The following DHX29 variants were observed in gnomAD, a reference collection of about 807,000 sequenced individuals.
DHX29 encodes the protein DExH-box helicase 29, also known as ATP-dependent RNA helicase DHX29.
DHX29 carries 79 observed loss-of-function variants against 167.9 expected under a neutral mutation model. The observed-to-expected ratio is 0.47, with a 90% CI of 0.39 to 0.57. The LOEUF (loss-of-function observed/expected upper bound fraction) is 0.57, where lower values mean the gene tolerates loss of function less well. Ranked by LOEUF, DHX29 falls within the 20% of genes least tolerant of loss-of-function variation. The pLI, the probability that DHX29 is intolerant of heterozygous loss-of-function variation, is 0.00. For synonymous variants in DHX29, 530 were observed against 546.0 expected (o/e 0.97, Z 0.41); for missense variants, 1,347 against 1,593.4 (o/e 0.85, Z 2.63).
At chr5:55,304,505 G>A (rs1335741179) in intron 1 of DHX29, among the ~76,000 whole-genome samples, 1 of 151,608 alleles carries the variant, frequency 6.6e-6, no homozygotes, top group Non-Finnish European at 1.5e-5. Flanking sequence ...GTAGAGACGG[G>A]GTTTCACCGT....
intron 6 of DHX29, among the ~76,000 whole-genome samples, chr5:55,292,590 T>C (rs910729266): frequency 6.6e-6 from 1 of 152,206 alleles, no homozygotes; most frequent in African/African-American, 2.4e-5. Context: ...TAGTGGCTCT[T>C]TACTGTCAAG....
chr5:55,287,325 C>T (rs552390447), intron 8 of DHX29, among the ~76,000 whole-genome samples: 1 of 152,126 alleles, frequency 6.6e-6, no homozygotes, highest in East Asian at 1.9e-4. Context: ...CCTGTAATCC[C>T]GGCTACTTGG....
rs920638032 is a variant in DHX29, at chr5:55,267,535, A to C, written c.3431+151T>G. On this transcript the variant is annotated intron_variant, in intron 22 of 26. Transcript: ENST00000251636. ...TTAGGAAGGATTATAAAACACATGA[A>C]TCTCTAACATAATTATACCTTGACA... is the stretch of plus-strand genomic sequence containing the variant. The C allele has an allele frequency of 1.7e-5, 11 of 658,154 alleles. No homozygotes were observed. In the African/African-American group the frequency reaches 2.0e-4, roughly 12 times the overall value. The allele number at this position is 658,154 out of a possible 1,614,324, so 40.8% of individuals were successfully genotyped here. A position where few individuals can be genotyped will look rare whatever the true frequency, so the allele number is the denominator to read the frequency against.
intron 12 of DHX29, among the ~76,000 whole-genome samples, chr5:55,277,561 A>G (rs1053902567): frequency 1.3e-5 from 2 of 152,134 alleles, no homozygotes; most frequent in Non-Finnish European, 2.9e-5. Flanking sequence ...TGCAAATCAG[A>G]TCAGATGTAG....
chr5:55,256,494 A>G lies in DHX29; in HGVS notation c.4104T>C (p.Asn1368=), dbSNP rs1746062637. 1 of 1,594,064 alleles carries G rather than the reference A, an allele frequency of 6.3e-7. No homozygotes were observed. The highest frequency in any genetic ancestry group is 1.4e-5 in the African/African-American group (1 of 73,686). ...TTGACCATGAATTTCAGTTTCAGTTATTCTCTGTTTTTATCAATTCCGTAA... is the reference window on the plus strand; with the variant it reads ...TTGACCATGAATTTCAGTTTCAGTTGTTCTCTGTTTTTATCAATTCCGTAA... The part of the protein sequence containing the change: ...QIITELIKTE[N]N Residue 1368 remains asparagine, a synonymous_variant, in exon 27 of 27, where the codon AAT becomes AAC. Transcript: ENST00000251636.
rs752700888 is a variant in DHX29 at position 55,256,440 on chromosome 5, C to T, written c.*48G>A. On this transcript the variant is annotated 3_prime_UTR_variant, in exon 27 of 27. Transcript: ENST00000251636. Reference sequence around the variant, plus strand: ...GACCCATTTTCAGATAATTTCATGACTGTATCTTCATCTTAATTTTTAAAG... The same window carrying T: ...GACCCATTTTCAGATAATTTCATGATTGTATCTTCATCTTAATTTTTAAAG... 1 of 1,501,538 alleles carries T rather than the reference C, an allele frequency of 6.7e-7. No homozygotes were observed. The highest frequency in any genetic ancestry group is 9.0e-7 in the Non-Finnish European group (1 of 1,108,922). 93.0% of individuals were successfully genotyped at this position (1,501,538 alleles called of 1,614,324 possible). A position where few individuals can be genotyped will look rare whatever the true frequency, so the allele number is the denominator to read the frequency against.
intron 22 of DHX29, 66 bp downstream of exon 22, chr5:55,267,620 A>G: frequency 7.2e-7 from 1 of 1,389,534 alleles, no homozygotes; most frequent in South Asian, 1.5e-5. Flanking sequence ...AGTCAAAGGT[A>G]ATATATTTTA....
chr5:55,275,889 T>C (rs1157899310), intron 14 of DHX29, among the ~76,000 whole-genome samples: 1 of 150,852 alleles, frequency 6.6e-6, no homozygotes, highest in Non-Finnish European at 1.5e-5. Flanking sequence ...GGATCTAGAT[T>C]TGGGACTTGC....
At chr5:55,304,175 G>C (rs1366570260) in intron 1 of DHX29, among the ~76,000 whole-genome samples, 1 of 152,104 alleles carries the variant, frequency 6.6e-6, no homozygotes, top group African/African-American at 2.4e-5. Flanking sequence ...AAGAAAGATG[G>C]GGAAAGGTCT....
At chr5:55,270,342 A>G in intron 20 of DHX29, 70 bp downstream of exon 20, 1 of 1,468,500 alleles carries the variant, frequency 6.8e-7, no homozygotes, top group Non-Finnish European at 9.1e-7. Context: ...AGGTAAGTTT[A>G]GGTGTTCATT....
chr5:55,271,714 A>G (rs540353620), intron 18 of DHX29, among the ~76,000 whole-genome samples: 36 of 152,260 alleles, frequency 2.4e-4, no homozygotes, highest in Non-Finnish European at 5.1e-4. Flanking sequence ...TACTTGCTCA[A>G]GAGATTTAAA....
rs748073891 is a variant in DHX29 at position 55,307,435 on chromosome 5, T to C, written c.139A>G (p.Thr47Ala). Residue 47 changes from threonine to alanine, a missense_variant, in exon 1 of 27, where the codon ACC (threonine) becomes GCC (alanine). Around this residue, in one of 3 missense-constraint regions of DHX29, gnomAD observed 405 missense variants for 416.8 expected, o/e 0.97. Coordinates refer to ENST00000251636, the MANE Select transcript of DHX29 (RefSeq NM_019030.4). ...QSKKPVSRPA[T>A]AAAAAAGSRE... ...GAGCCGGCAGCGGCAGCGGCAGCGG[T>C]GGCCGGCCTGGACACTGGCTTCTTG... is the stretch of plus-strand genomic sequence containing the variant. The C allele has an allele frequency of 6.8e-6, 11 of 1,612,728 alleles. No individual in the cohort carries two copies. The Middle Eastern group carries it at 6.6e-4, about 96-fold the overall frequency.
intron 4 of DHX29, among the ~76,000 whole-genome samples, chr5:55,295,764 T>C (rs935709222): frequency 1.3e-5 from 2 of 152,210 alleles, no homozygotes; most frequent in Non-Finnish European, 2.9e-5. Flanking sequence ...TCACCCTCAA[T>C]GTTAGGCTCC....
At position 55,267,943 on chromosome 5, in the gene DHX29, A is replaced by G. The variant is rs1046295718; in HGVS notation, c.3295-121T>C. 1.5e-5 allele frequency: 7 copies of G among 459,640 alleles called. No homozygotes were observed. The Admixed American group carries it at 2.1e-4, about 14-fold the overall frequency. 28.5% of individuals were successfully genotyped at this position (459,640 alleles called of 1,614,324 possible). The stretch of plus-strand genomic sequence containing the variant: ...ACTTTAAGTTGCCTGTTTATTTTCA[A>G]TATTTTATTATGTTTATTAGTATTA... On this transcript the variant is annotated intron_variant, in intron 21 of 26. Coordinates refer to ENST00000251636, the MANE Select transcript of DHX29 (RefSeq NM_019030.4).
intron 5 of DHX29, among the ~76,000 whole-genome samples, chr5:55,294,377 G>GT (rs1184990213): frequency 1.3e-5 from 2 of 152,178 alleles, no homozygotes; most frequent in African/African-American, 4.8e-5. Context: ...AAGGAGAACT[G>GT]TTAAAAACTA....
At chr5:55,295,596 C>G (rs760272248) in intron 4 of DHX29, 72 bp from the exon 5 acceptor site, 1 of 1,494,522 alleles carries the variant, frequency 6.7e-7, no homozygotes, top group Non-Finnish European at 9.1e-7. Context: ...ATTTGTTAAG[C>G]ATTTGTAAAC....
intron 23 of DHX29, among the ~76,000 whole-genome samples, chr5:55,263,293 G>C (rs182712264): frequency 2.6e-5 from 4 of 152,266 alleles, no homozygotes; most frequent in Admixed American, 2.6e-4. Flanking sequence ...AGAAAGAATT[G>C]ACAGAAATCT....
intron 6 of DHX29, among the ~76,000 whole-genome samples, chr5:55,292,984 T>C (rs1178664369): frequency 1.4e-5 from 2 of 148,100 alleles, no homozygotes; most frequent in African/African-American, 2.5e-5. Flanking sequence ...AACTTGGATA[T>C]ACAGAAGAAT....
chr5:55,273,445 T>G (rs1275548630), intron 16 of DHX29, 68 bp from the exon 17 acceptor site: 1 of 1,391,746 alleles, frequency 7.2e-7, no homozygotes, highest in Non-Finnish European at 9.4e-7. Flanking sequence ...AATAACAAAA[T>G]TTATTTGCAT....
Sources: allele counts gnomAD v4.1 joint callset (sites outside exome capture counted in the v4.1 genomes callset), GRCh38; gene constraint gnomAD v4.1.1; regional missense constraint gnomAD v4.1.1; transcripts MANE v1.5; gene names NCBI Gene and HGNC (gene_info 2026-07-23, HGNC 2026-07-21).